The following EEPD1 variants were observed in gnomAD, a reference collection of about 807,000 sequenced individuals.
EEPD1 encodes endonuclease/exonuclease/phosphatase family domain-containing protein 1.
EEPD1 carries 17 observed loss-of-function variants against 46.3 expected under a neutral mutation model. The ratio of observed to expected loss-of-function variants is 0.37; its 90% CI spans 0.25 to 0.55. The LOEUF is 0.55. Ranked by LOEUF, EEPD1 falls within the 20% of genes least tolerant of loss-of-function variation. The pLI is 0.83. For synonymous variants in EEPD1, 313 were observed against 315.6 expected (o/e 0.99, Z 0.09); for missense variants, 673 against 745.6 (o/e 0.90, Z 1.13).
intron 2 of EEPD1, among the ~76,000 whole-genome samples, chr7:36,177,569 C>T (rs1473676992): frequency 1.3e-5 from 2 of 152,200 alleles, no homozygotes; most frequent in South Asian, 2.1e-4. Context: ...CTTCCAGCTG[C>T]ATTCATGTTG....
chr7:36,195,596 G>A (rs2726102), intron 2 of EEPD1, among the ~76,000 whole-genome samples: 16,667 of 152,238 alleles, frequency 0.11, 1,208 homozygotes, highest in Non-Finnish European at 0.17. Context: ...TGGGGTGGGG[G>A]CTAGGGTGGA....
At chr7:36,282,284 T>C (rs1787274577) in intron 4 of EEPD1, among the ~76,000 whole-genome samples, 1 of 152,250 alleles carries the variant, frequency 6.6e-6, no homozygotes, top group South Asian at 2.1e-4. Context: ...TTCACAAGCC[T>C]TTTATAGTCC....
rs766952625 is a variant in EEPD1, at chr7:36,284,763, G to A, written c.1119G>A (p.Ser373=). 77 of 1,599,388 alleles carry A rather than the reference G, an allele frequency of 4.8e-5. No homozygotes were observed. The highest frequency in any genetic ancestry group is 4.6e-5 in the Non-Finnish European group (54 of 1,172,454). Residue 373 remains serine, a synonymous_variant, in exon 5 of 8, where the codon TCG becomes TCA. Coordinates refer to ENST00000242108, the MANE Select transcript of EEPD1 (RefSeq NM_030636.3). ...ELRDAGSQES[S]PSNGHGKLAG... is the part of the protein sequence containing the mutation. ...GAGACGCGGGTTCACAGGAGAGCTCGCCAAGCAACGGGCACGGGAAGCTGG... is the reference window on the plus strand; with the variant it reads ...GAGACGCGGGTTCACAGGAGAGCTCACCAAGCAACGGGCACGGGAAGCTGG...
chr7:36,244,012 C>T (rs548424577), intron 3 of EEPD1, among the ~76,000 whole-genome samples: 2 of 151,804 alleles, frequency 1.3e-5, no homozygotes, highest in African/African-American at 2.4e-5. Flanking sequence ...CTAACCTGCA[C>T]ATTGTGCACA....
chr7:36,250,505 G>C (rs941166328), intron 3 of EEPD1, among the ~76,000 whole-genome samples: 1 of 152,082 alleles, frequency 6.6e-6, no homozygotes, highest in African/African-American at 2.4e-5. Context: ...CCCATAGCTT[G>C]TTTTTATAAA....
chr7:36,250,940 G>C (rs1324155411), intron 3 of EEPD1, among the ~76,000 whole-genome samples: 2 of 152,172 alleles, frequency 1.3e-5, no homozygotes, highest in Non-Finnish European at 2.9e-5. Context: ...GATGAGCCTA[G>C]TGAGGAAATG....
intron 2 of EEPD1, among the ~76,000 whole-genome samples, chr7:36,197,929 T>C (rs1785638355): frequency 6.6e-6 from 1 of 151,782 alleles, no homozygotes; most frequent in Non-Finnish European, 1.5e-5. Flanking sequence ...ATATGGAAAA[T>C]TCAACAATAC....
chr7:36,156,471 G>A (rs903579732), intron 2 of EEPD1, among the ~76,000 whole-genome samples: 13 of 152,132 alleles, frequency 8.5e-5, no homozygotes, highest in Admixed American at 3.3e-4. Flanking sequence ...ACTCGGCACC[G>A]GGAGATATTT....
At chr7:36,261,875 A>C (rs547050007) in intron 3 of EEPD1, among the ~76,000 whole-genome samples, 17 of 152,390 alleles carry the variant, frequency 1.1e-4, no homozygotes, top group African/African-American at 4.1e-4. Flanking sequence ...ATTTGGAATG[A>C]GTAATTCCTA....
chr7:36,212,643 C>T (rs1428134347), intron 2 of EEPD1, among the ~76,000 whole-genome samples: 5 of 149,424 alleles, frequency 3.3e-5, no homozygotes. Context: ...GAGCCGACTA[C>T]ACAAGAGGTG....
In EEPD1 at chr7:36,170,408, C is replaced by CA. The variant is rs546236185; in HGVS notation, c.878+15217dup. On this transcript the variant is annotated intron_variant, in intron 2 of 7. Coordinates refer to ENST00000242108, the MANE Select transcript of EEPD1 (RefSeq NM_030636.3). The stretch of plus-strand genomic sequence containing the variant: ...TGGGTGACAGAGTAAGACTCTGTCT[C>CA]AAAAAAAAAAAGTATATATTTTGTA... 7.2e-4 allele frequency among the ~76,000 whole-genome samples: 102 copies of CA among 140,972 alleles called. 2 individuals are homozygous for CA. The Middle Eastern group carries it at 0.03, about 41-fold the overall frequency. 92.5% of individuals were successfully genotyped at this position (140,972 alleles called of 152,430 possible).
intron 3 of EEPD1, among the ~76,000 whole-genome samples, chr7:36,274,189 T>A (rs1787152335): frequency 6.6e-6 from 1 of 152,232 alleles, no homozygotes; most frequent in Non-Finnish European, 1.5e-5. Flanking sequence ...CAATGAGAAA[T>A]CTCTCTCATA....
chr7:36,187,601 A>T (rs1445962878), intron 2 of EEPD1, among the ~76,000 whole-genome samples: 1 of 152,190 alleles, frequency 6.6e-6, no homozygotes, highest in Admixed American at 6.5e-5. Flanking sequence ...AAGGCCTGAT[A>T]ATATTTCATT....
At chr7:36,203,582 G>T (rs1158039965) in intron 2 of EEPD1, among the ~76,000 whole-genome samples, 1 of 152,196 alleles carries the variant, frequency 6.6e-6, no homozygotes, top group Admixed American at 6.5e-5. Flanking sequence ...TTTAAAGGCT[G>T]CCTTGTGGGA....
intron 3 of EEPD1, among the ~76,000 whole-genome samples, chr7:36,266,609 TTAAAG>T (rs1336141645): frequency 1.4e-4 from 21 of 152,350 alleles, no homozygotes; most frequent in African/African-American, 4.8e-4. Context: ...ATCAACCATC[TTAAAG>T]TAAACAATTC....
intron 2 of EEPD1, among the ~76,000 whole-genome samples, chr7:36,160,676 T>TG (rs150571892): frequency 0.049 from 1,785 of 36,360 alleles, 64 homozygotes; most frequent in Admixed American, 0.22. Flanking sequence ...TGGGAGGTGG[T>TG]GGGGGGCGGG....
At chr7:36,273,468 A>G (rs528621371) in intron 3 of EEPD1, among the ~76,000 whole-genome samples, 3 of 152,032 alleles carry the variant, frequency 2.0e-5, no homozygotes, top group African/African-American at 7.2e-5. Flanking sequence ...ACCCAAATTA[A>G]CCTCTTGGGA....
chr7:36,192,256 C>T (rs897385740), intron 2 of EEPD1, among the ~76,000 whole-genome samples: 1 of 152,200 alleles, frequency 6.6e-6, no homozygotes, highest in Non-Finnish European at 1.5e-5. Flanking sequence ...TGTAAAAACA[C>T]ACAAACCACA....
At chr7:36,266,387 C>T (rs1055929921) in intron 3 of EEPD1, among the ~76,000 whole-genome samples, 2 of 152,152 alleles carry the variant, frequency 1.3e-5, no homozygotes, top group African/African-American at 4.8e-5. Context: ...AGTCTAGAGG[C>T]AGCCTCCCCA....
Sources: allele counts gnomAD v4.1 joint callset (sites outside exome capture counted in the v4.1 genomes callset), GRCh38; gene constraint gnomAD v4.1.1; transcripts MANE v1.5; gene names NCBI Gene and HGNC (gene_info 2026-07-23, HGNC 2026-07-21).